LHPP: variants seen among roughly 807,000 people sequenced by gnomAD.
LHPP encodes phospholysine phosphohistidine inorganic pyrophosphate phosphatase.
LHPP carries 24 observed loss-of-function variants against 30.3 expected under a neutral mutation model. The ratio of observed to expected loss-of-function variants is 0.79; its 90% CI spans 0.57 to 1.11. LHPP has a LOEUF of 1.11. Among genes scored for constraint, LHPP ranks in the 50% most tolerant of loss-of-function variants. The pLI, the probability that LHPP is intolerant of heterozygous loss-of-function variation, is 0.00. For missense variants in LHPP, 356 were observed against 367.2 expected (o/e 0.97, Z 0.25); for synonymous variants, 150 against 157.1 (o/e 0.95, Z 0.34).
chr10:124,583,716 G>A (rs780959206), intron 6 of LHPP, among the ~76,000 whole-genome samples: 7 of 152,194 alleles, frequency 4.6e-5, no homozygotes, highest in South Asian at 2.1e-4. Context: ...ACTCACTATC[G>A]CAAATATGGC....
chr10:124,527,244 G>T (rs1954765757), intron 6 of LHPP, among the ~76,000 whole-genome samples: 3 of 152,210 alleles, frequency 2.0e-5, no homozygotes, highest in Admixed American at 2.0e-4. Flanking sequence ...GTGTTCTGAT[G>T]CATCAGGGAA....
chr10:124,498,632 G>A lies in LHPP; in HGVS notation c.624+504G>A, dbSNP rs1296875173. 2.4e-5 allele frequency: 16 copies of A among 666,042 alleles called. No individual in the cohort carries two copies. In the Middle Eastern group the frequency reaches 2.0e-3, roughly 85 times the overall value. The allele number at this position is 666,042 out of a possible 1,614,324, so 41.3% of individuals were successfully genotyped here. A position where few individuals can be genotyped will look rare whatever the true frequency, so the allele number is the denominator to read the frequency against. The stretch of plus-strand genomic sequence containing the variant: ...CCCAACCCTAAGTGAGTCTGGCTTC[G>A]TCCTCCAGTGGGTTTTCTTTTCTTT... On this transcript the variant is annotated intron_variant, in intron 5 of 6. Coordinates refer to ENST00000368842, the MANE Select transcript of LHPP (RefSeq NM_022126.4).
At chr10:124,559,094 G>A (rs1179347233) in intron 6 of LHPP, among the ~76,000 whole-genome samples, 2 of 152,168 alleles carry the variant, frequency 1.3e-5, no homozygotes, top group Admixed American at 6.5e-5. Flanking sequence ...GCCAGGCCGC[G>A]GCCCCCACCT....
intron 4 of LHPP, 46 bp downstream of exon 4, chr10:124,497,070 A>G (rs2133872610): frequency 1.3e-6 from 2 of 1,504,984 alleles, no homozygotes; most frequent in African/African-American, 1.4e-5. Context: ...ACCTCAGGGC[A>G]CCTGGGACTT....
rs1337640220 is a variant in LHPP at position 124,576,944 on chromosome 10, C to T, written c.717-36320C>T. Among the ~76,000 whole-genome samples, 1 of 152,212 alleles carries T rather than the reference C, an allele frequency of 6.6e-6. No individual in the cohort carries two copies. The highest frequency in any genetic ancestry group is 1.5e-5 in the Non-Finnish European group (1 of 68,032). On this transcript the variant is annotated intron_variant, in intron 6 of 6. Coordinates refer to ENST00000368842, the MANE Select transcript of LHPP (RefSeq NM_022126.4). The surrounding 1 kb of genome is among the most constrained non-coding windows in gnomAD (Gnocchi z 4.2). ...CGCCATGATCCTGAGTGCACAGGTA[C>T]ATTGCTCCGCCCTCTCAACAGCCAC...
chr10:124,594,912 T>C (rs1054076296), intron 6 of LHPP, among the ~76,000 whole-genome samples: 3 of 152,190 alleles, frequency 2.0e-5, no homozygotes, highest in African/African-American at 4.8e-5. Flanking sequence ...ATTACAGGCA[T>C]GAGCCACCGC....
intron 6 of LHPP, among the ~76,000 whole-genome samples, chr10:124,588,755 C>T (rs1948838674): frequency 6.6e-6 from 1 of 152,188 alleles, no homozygotes; most frequent in African/African-American, 2.4e-5. Flanking sequence ...GGACACTGCT[C>T]CCCCAACACT....
chr10:124,600,568 C>A (rs1949008091), intron 6 of LHPP, among the ~76,000 whole-genome samples: 1 of 152,240 alleles, frequency 6.6e-6, no homozygotes, highest in African/African-American at 2.4e-5. Context: ...AACCTAGGTG[C>A]CCGGGGTCTC....
chr10:124,551,968 C>T (rs538491362), intron 6 of LHPP, among the ~76,000 whole-genome samples: 1 of 152,266 alleles, frequency 6.6e-6, no homozygotes, highest in East Asian at 1.9e-4. Context: ...AGGCCCATCA[C>T]AGCCTCCCCA....
At chr10:124,561,726 C>T (rs117649117) in intron 6 of LHPP, among the ~76,000 whole-genome samples, 175 of 151,808 alleles carry the variant, frequency 1.2e-3, no homozygotes, top group East Asian at 0.011. Flanking sequence ...ACCCTCTTCC[C>T]CTGCCTGAGT....
intron 6 of LHPP, 47 bp from the exon 7 acceptor site, chr10:124,613,217 A>T: frequency 7.2e-7 from 1 of 1,390,262 alleles, no homozygotes; most frequent in Non-Finnish European, 1.0e-6. Flanking sequence ...GTGGCTGCAG[A>T]GGGGTCAGCG....
chr10:124,582,253 AT>A (rs1237771249), intron 6 of LHPP, among the ~76,000 whole-genome samples: 8 of 151,868 alleles, frequency 5.3e-5, no homozygotes, highest in Admixed American at 1.3e-4. Context: ...GTGAATTTTT[AT>A]TTTTATTTTT....
At chr10:124,604,527 G>A (rs558851154) in intron 6 of LHPP, among the ~76,000 whole-genome samples, 2 of 152,302 alleles carry the variant, frequency 1.3e-5, no homozygotes, top group South Asian at 4.1e-4. Context: ...CCTCCCAGCT[G>A]CATCCTCCAG....
At chr10:124,489,528 C>T (rs1239432494) in intron 3 of LHPP, among the ~76,000 whole-genome samples, 2 of 152,154 alleles carry the variant, frequency 1.3e-5, no homozygotes, top group African/African-American at 2.4e-5. Context: ...GATCTCGGCT[C>T]GCTGCAACCT....
chr10:124,506,263 A>ACCCCCCCCCCCCCCCCCCCCCCCC (rs539116106), intron 5 of LHPP, among the ~76,000 whole-genome samples: 9 of 86,334 alleles, frequency 1.0e-4, no homozygotes, highest in Non-Finnish European at 1.4e-4. Context: ...AAAACAACAA[A>ACCCCCCCCCCCCCCCCCCCCCCCC]CCCCCCCCCC....
chr10:124,486,262 G>C (rs575959150), intron 2 of LHPP, among the ~76,000 whole-genome samples: 8 of 152,192 alleles, frequency 5.3e-5, no homozygotes, highest in African/African-American at 1.4e-4. Flanking sequence ...TTGCCCAGGT[G>C]GTCTTCACCC....
intron 6 of LHPP, among the ~76,000 whole-genome samples, chr10:124,547,984 G>A (rs987605513): frequency 1.3e-5 from 2 of 152,234 alleles, no homozygotes; most frequent in African/African-American, 4.8e-5. Context: ...ATGCCCCTGT[G>A]CCTGGTGAGC....
intron 5 of LHPP, among the ~76,000 whole-genome samples, chr10:124,516,380 C>T (rs1303696962): frequency 1.3e-5 from 2 of 152,214 alleles, no homozygotes; most frequent in African/African-American, 4.8e-5. Context: ...TACCTCCTTA[C>T]AGGCCCTGTC....
At chr10:124,464,296 C>T (rs141294286) in intron 1 of LHPP, among the ~76,000 whole-genome samples, 1 of 152,330 alleles carries the variant, frequency 6.6e-6, no homozygotes, top group African/African-American at 2.4e-5. Flanking sequence ...CCTGATGTCA[C>T]TGGGACTCAA....
Sources: allele counts gnomAD v4.1 joint callset (sites outside exome capture counted in the v4.1 genomes callset), GRCh38; gene constraint gnomAD v4.1.1; non-coding constraint Gnocchi (gnomAD v3.1); transcripts MANE v1.5; gene names NCBI Gene and HGNC (gene_info 2026-07-23, HGNC 2026-07-21).